The following CDH4 variants were observed in gnomAD, a reference collection of about 807,000 sequenced individuals.
CDH4 encodes cadherin-4.
In CDH4, 33 loss-of-function variants were observed where a neutral mutation model predicts 86.0. The observed-to-expected ratio is 0.38, with a 90% CI of 0.29 to 0.51. The LOEUF (loss-of-function observed/expected upper bound fraction) is 0.51, where lower values mean the gene tolerates loss of function less well. CDH4 is among the 20% of genes least tolerant of loss of function. The probability of loss-of-function intolerance (pLI) is 0.86; values close to 1 mark genes in which losing one functional copy is unlikely to be tolerated. For synonymous variants in CDH4, 555 were observed against 549.4 expected (o/e 1.01, Z -0.14); for missense variants, 1,114 against 1,307.4 (o/e 0.85, Z 2.28).
At chr20:61,929,533 A>C in intron 12 of CDH4, 76 bp from the exon 13 acceptor site, 2 of 1,107,292 alleles carry the variant, frequency 1.8e-6, no homozygotes, top group Non-Finnish European at 2.7e-6. Context: ...TCGGACTTTT[A>C]GTCTTTTCCT....
intron 7 of CDH4, among the ~76,000 whole-genome samples, chr20:61,876,386 G>A (rs529784995): frequency 2.6e-5 from 4 of 152,352 alleles, no homozygotes; most frequent in South Asian, 2.1e-4. Flanking sequence ...GCAGGAAACC[G>A]TTCTCTCCCT....
At position 61,708,096 on chromosome 20, in the gene CDH4, G is replaced by A. The variant is rs559468191; in HGVS notation, c.170-35467G>A. On this transcript the variant is annotated intron_variant, in intron 2 of 15. Coordinates refer to ENST00000614565, the MANE Select transcript of CDH4 (RefSeq NM_001794.5). This position sits in a 1 kb window ranked among gnomAD's most constrained non-coding sequence, Gnocchi z 4.5. ...GGACCTGGGCTCTGCTGGGGGTCCCGGGCTGTGGCGCGTCTCCCTGGGCAT... is the reference window on the plus strand; with the variant it reads ...GGACCTGGGCTCTGCTGGGGGTCCCAGGCTGTGGCGCGTCTCCCTGGGCAT... Among the ~76,000 whole-genome samples, 1 of 152,202 alleles carries A rather than the reference G, an allele frequency of 6.6e-6. No homozygotes were observed. Among genetic ancestry groups the A allele is most frequent in the South Asian group, 2.1e-4 (1 of 4,816 alleles).
At chr20:61,302,455 T>C (rs2084390932) in intron 2 of CDH4, among the ~76,000 whole-genome samples, 1 of 151,738 alleles carries the variant, frequency 6.6e-6, no homozygotes, top group Admixed American at 6.6e-5. Flanking sequence ...GCATCCAGGA[T>C]GTTTCCTGTA....
intron 2 of CDH4, among the ~76,000 whole-genome samples, chr20:61,666,276 C>A (rs549891216): frequency 2.0e-5 from 3 of 152,180 alleles, no homozygotes; most frequent in Admixed American, 2.0e-4. Flanking sequence ...ATGAGAGCCA[C>A]GGTGCCTGGA....
chr20:61,761,746 G>T (rs561540189), intron 3 of CDH4, among the ~76,000 whole-genome samples: 1 of 152,174 alleles, frequency 6.6e-6, no homozygotes, highest in Non-Finnish European at 1.5e-5. Flanking sequence ...AGAAGACGCC[G>T]TGGCCTCAGC....
chr20:61,620,824 C>T (rs1417675311), intron 2 of CDH4, among the ~76,000 whole-genome samples: 2 of 152,194 alleles, frequency 1.3e-5, no homozygotes, highest in Non-Finnish European at 2.9e-5. Context: ...GACACATTCT[C>T]CCTGGCCATG....
At chr20:61,385,455 G>GC (rs992735314) in intron 2 of CDH4, among the ~76,000 whole-genome samples, 17 of 151,276 alleles carry the variant, frequency 1.1e-4, no homozygotes, top group Non-Finnish European at 1.8e-4. Flanking sequence ...AATCCCCGCC[G>GC]CCCCCCGCCC....
At chr20:61,397,031 C>G (rs1190239694) in intron 2 of CDH4, among the ~76,000 whole-genome samples, 1 of 152,126 alleles carries the variant, frequency 6.6e-6, no homozygotes, top group African/African-American at 2.4e-5. Flanking sequence ...CCACCTCAGC[C>G]CCCGCAAGTA....
At chr20:61,690,974 C>A (rs953396776) in intron 2 of CDH4, among the ~76,000 whole-genome samples, 4 of 152,232 alleles carry the variant, frequency 2.6e-5, no homozygotes, top group Admixed American at 2.6e-4. Flanking sequence ...GCCCTCTAGA[C>A]TTTCCAGAGG....
chr20:61,857,888 T>G (rs939993207), intron 6 of CDH4, among the ~76,000 whole-genome samples: 1 of 152,090 alleles, frequency 6.6e-6, no homozygotes, highest in African/African-American at 2.4e-5. Flanking sequence ...TGTGTCTGTG[T>G]GTGTGTGTGT....
chr20:61,386,868 G>A (rs1415873328), intron 2 of CDH4, among the ~76,000 whole-genome samples: 1 of 152,242 alleles, frequency 6.6e-6, no homozygotes, highest in Non-Finnish European at 1.5e-5. Context: ...CCTGAAGGGT[G>A]AGGCAGATGT....
At chr20:61,301,545 G>A (rs755836812) in intron 2 of CDH4, among the ~76,000 whole-genome samples, 4 of 152,076 alleles carry the variant, frequency 2.6e-5, no homozygotes, top group African/African-American at 7.2e-5. Flanking sequence ...TTTTTAAGTC[G>A]TTTCAAGCGA....
At chr20:61,332,975 G>A (rs2084591896) in intron 2 of CDH4, among the ~76,000 whole-genome samples, 1 of 152,186 alleles carries the variant, frequency 6.6e-6, no homozygotes, top group South Asian at 2.1e-4. Flanking sequence ...CTAAAACAAA[G>A]CTTCAGCCTT....
intron 4 of CDH4, among the ~76,000 whole-genome samples, chr20:61,828,635 C>T (rs1319243552): frequency 2.6e-5 from 4 of 152,228 alleles, no homozygotes; most frequent in Admixed American, 2.6e-4. Context: ...AAGGCTCTTC[C>T]TTCCCTTTGC....
intron 4 of CDH4, among the ~76,000 whole-genome samples, chr20:61,837,255 G>A (rs1981925284): frequency 6.6e-6 from 1 of 152,192 alleles, no homozygotes; most frequent in Non-Finnish European, 1.5e-5. Flanking sequence ...GAGCTGGTGG[G>A]AGTGAGAGAA....
At chr20:61,609,663 AGCAGGTGGCCAC>A (rs1393165052) in intron 2 of CDH4, among the ~76,000 whole-genome samples, 3 of 152,348 alleles carry the variant, frequency 2.0e-5, no homozygotes, top group African/African-American at 7.2e-5. Flanking sequence ...TGAACCAGGC[AGCAGGTGGCCAC>A]GCTTGGTCAC....
At chr20:61,532,724 G>C (rs896078911) in intron 2 of CDH4, among the ~76,000 whole-genome samples, 2 of 152,208 alleles carry the variant, frequency 1.3e-5, no homozygotes, top group African/African-American at 4.8e-5. Context: ...GGGGAGACGG[G>C]TTCTCTGGCC....
At chr20:61,671,487 C>G (rs538557859) in intron 2 of CDH4, among the ~76,000 whole-genome samples, 1 of 151,784 alleles carries the variant, frequency 6.6e-6, no homozygotes, top group African/African-American at 2.4e-5. Context: ...CAGAGTGAGA[C>G]CTGGTCTCTA....
At chr20:61,477,953 T>TCCC (rs2085548564) in intron 2 of CDH4, among the ~76,000 whole-genome samples, 1 of 152,194 alleles carries the variant, frequency 6.6e-6, no homozygotes, top group Non-Finnish European at 1.5e-5. Context: ...GACATAGAGC[T>TCCC]TTTGTTGTGG....
Sources: gnomAD v4.1 joint callset for allele counts (sites outside exome capture counted in the v4.1 genomes callset) on GRCh38, gnomAD v4.1.1 for gene constraint, Gnocchi (gnomAD v3.1) non-coding constraint, MANE v1.5 for transcripts, NCBI Gene and HGNC (gene_info 2026-07-23, HGNC 2026-07-21) for gene names.